Variants in MTUS2 observed in about 807,000 individuals in gnomAD.
MTUS2 encodes the protein microtubule associated scaffold protein 2.
In MTUS2, 40 loss-of-function variants were observed where a neutral mutation model predicts 114.1. The ratio of observed to expected loss-of-function variants is 0.35; its 90% CI spans 0.27 to 0.46. MTUS2 has a LOEUF of 0.46. Ranked by LOEUF, MTUS2 falls within the 20% of genes least tolerant of loss-of-function variation. The pLI is 1.00. For synonymous variants in MTUS2, 688 were observed against 672.0 expected, an observed-to-expected ratio of 1.02 and a Z score of -0.37; for missense variants, 1,679 against 1,705.4, an observed-to-expected ratio of 0.98 and a Z score of 0.27.
chr13:28,835,542 G>A (rs1175289063), intron 1 of MTUS2, among the ~76,000 whole-genome samples: 1 of 152,132 alleles, frequency 6.6e-6, no homozygotes, highest in Non-Finnish European at 1.5e-5. Context: ...GGTTTCTTTG[G>A]GGGGTGATGA....
At chr13:29,392,127 C>A (rs1237638939) in intron 8 of MTUS2, among the ~76,000 whole-genome samples, 407 of 118,768 alleles carry the variant, frequency 3.4e-3, no homozygotes, top group South Asian at 5.0e-3. Flanking sequence ...GACTCTGTCT[C>A]AAAAAAAAAA....
intron 5 of MTUS2, among the ~76,000 whole-genome samples, chr13:29,279,871 C>G (rs532398194): frequency 9.8e-5 from 15 of 152,288 alleles, no homozygotes; most frequent in Admixed American, 8.5e-4. Context: ...TTGAACTCTA[C>G]AGATGATACA....
At chr13:28,894,343 A>T (rs868612420) in intron 2 of MTUS2, among the ~76,000 whole-genome samples, 9 of 93,618 alleles carry the variant, frequency 9.6e-5, no homozygotes, top group African/African-American at 4.8e-4. Context: ...AGAGAGAGAG[A>T]GAGAGAGTGA....
At chr13:29,106,505 T>C (rs1566012198) in intron 5 of MTUS2, among the ~76,000 whole-genome samples, 1 of 152,264 alleles carries the variant, frequency 6.6e-6, no homozygotes, top group Admixed American at 6.5e-5. Context: ...AATACAGGCA[T>C]GTGCTACCAC....
intron 4 of MTUS2, among the ~76,000 whole-genome samples, chr13:29,052,307 A>C (rs9508239): frequency 0.58 from 88,207 of 151,500 alleles, 26,002 homozygotes; most frequent in South Asian, 0.74. Context: ...CATGGCAAAA[A>C]CCCGTCTCTC....
chr13:28,916,488 G>T (rs542898645), intron 2 of MTUS2, among the ~76,000 whole-genome samples: 3 of 151,668 alleles, frequency 2.0e-5, no homozygotes, highest in Non-Finnish European at 4.4e-5. Context: ...GTGTTTTATA[G>T]TTTTTATTGT....
chr13:29,084,025 G>T (rs1889558307), intron 4 of MTUS2, among the ~76,000 whole-genome samples: 1 of 152,092 alleles, frequency 6.6e-6, no homozygotes, highest in Non-Finnish European at 1.5e-5. Context: ...GTAAATGAAA[G>T]ACTTATAAAT....
At chr13:29,097,028 A>G (rs1285165025) in intron 4 of MTUS2, among the ~76,000 whole-genome samples, 1 of 152,134 alleles carries the variant, frequency 6.6e-6, no homozygotes, top group African/African-American at 2.4e-5. Context: ...TACAACATGG[A>G]ACTGGGGGTG....
chr13:28,980,263 T>C (rs1422064483), intron 2 of MTUS2, among the ~76,000 whole-genome samples: 1 of 152,234 alleles, frequency 6.6e-6, no homozygotes, highest in African/African-American at 2.4e-5. Context: ...TTTTTCTTTT[T>C]AATTAATTGT....
chr13:28,838,922 C>A (rs1207098324), intron 1 of MTUS2, among the ~76,000 whole-genome samples: 1 of 152,020 alleles, frequency 6.6e-6, no homozygotes, highest in Non-Finnish European at 1.5e-5. Context: ...ACCATTGTTG[C>A]TCAGAAAAAT....
At chr13:29,408,398 C>G (rs183208429) in intron 8 of MTUS2, among the ~76,000 whole-genome samples, 2 of 152,208 alleles carry the variant, frequency 1.3e-5, no homozygotes, top group Non-Finnish European at 2.9e-5. Context: ...TCACTGCGGC[C>G]TCCATCTCCT....
At chr13:29,457,536 GTTC>G (rs1566211851) in intron 9 of MTUS2, among the ~76,000 whole-genome samples, 2 of 151,850 alleles carry the variant, frequency 1.3e-5, no homozygotes, top group Non-Finnish European at 2.9e-5. Context: ...GCATTTATCT[GTTC>G]TTCTGCTGGT....
intron 8 of MTUS2, among the ~76,000 whole-genome samples, chr13:29,401,734 A>G (rs551635536): frequency 5.3e-4 from 81 of 152,254 alleles, no homozygotes; most frequent in Admixed American, 2.1e-3. Context: ...AGAACCCCAT[A>G]GTTTTATCCA....
chr13:28,909,618 C>T (rs1880276030), intron 2 of MTUS2, among the ~76,000 whole-genome samples: 1 of 152,158 alleles, frequency 6.6e-6, no homozygotes. Context: ...AAAAGTGGCA[C>T]AAGACAGGGA....
chr13:28,858,451 C>T lies in MTUS2; in HGVS notation c.-243+18601C>T, dbSNP rs368058040. Among the ~76,000 whole-genome samples, 9 of 152,228 alleles carry T rather than the reference C, an allele frequency of 5.9e-5. No individual in the cohort carries two copies. In the East Asian group the frequency reaches 7.7e-4, roughly 13 times the overall value. ...TATCTCTACTCTGTCCCTGGCTCTC[C>T]TTCCTCCCATTCTTCATCCACTACC... On this transcript the variant is annotated intron_variant, in intron 2 of 15. Coordinates refer to ENST00000612955, the MANE Select transcript of MTUS2 (RefSeq NM_001033602.4).
At chr13:29,427,927 AAAAC>A (rs535565568) in intron 8 of MTUS2, among the ~76,000 whole-genome samples, 60 of 152,308 alleles carry the variant, frequency 3.9e-4, no homozygotes, top group Non-Finnish European at 7.8e-4. Context: ...TGAGAAAACA[AAAAC>A]AAACATTTGC....
At chr13:29,153,972 G>GA (rs1230469248) in intron 5 of MTUS2, among the ~76,000 whole-genome samples, 16 of 152,294 alleles carry the variant, frequency 1.1e-4, no homozygotes, top group Admixed American at 2.0e-4. Flanking sequence ...GTGGCTCAGA[G>GA]AAAAAACAGT....
intron 5 of MTUS2, among the ~76,000 whole-genome samples, chr13:29,135,350 G>A (rs1189634523): frequency 6.6e-6 from 1 of 152,104 alleles, no homozygotes; most frequent in Admixed American, 6.5e-5. Flanking sequence ...AGCCAGTTCT[G>A]CTCTCTTTTG....
chr13:29,362,381 G>A (rs560231190), intron 8 of MTUS2, among the ~76,000 whole-genome samples: 24 of 152,306 alleles, frequency 1.6e-4, no homozygotes, highest in Admixed American at 1.1e-3. Context: ...ACTCTCAAGT[G>A]GGAGAAGGTG....
Sources: allele counts gnomAD v4.1 joint callset (sites outside exome capture counted in the v4.1 genomes callset), GRCh38; gene constraint gnomAD v4.1.1; transcripts MANE v1.5; gene names NCBI Gene and HGNC (gene_info 2026-07-23, HGNC 2026-07-21).